The following FAM13B variants were observed in gnomAD, a reference collection of about 807,000 sequenced individuals.
The protein encoded by FAM13B is family with sequence similarity 13 member B.
A neutral mutation model predicts 117.3 loss-of-function variants in FAM13B; 60 were observed. That is an observed-to-expected ratio of 0.51 (90% CI 0.42 to 0.63). FAM13B has a LOEUF of 0.63. Ranked by LOEUF, FAM13B falls within the 30% of genes least tolerant of loss-of-function variation. FAM13B has a pLI of 0.00. For missense variants in FAM13B, 972 were observed against 1,091.9 expected (o/e 0.89, Z 1.55); for synonymous variants, 332 against 356.1 (o/e 0.93, Z 0.76).
chr5:138,039,670 A>C (rs1307901042), intron 1 of FAM13B: 2 of 150,822 alleles, frequency 1.3e-5, no homozygotes, highest in African/African-American at 4.9e-5. Flanking sequence ...TCCTGGGCTC[A>C]AGAGATCCTC....
Position 137,940,227 on chromosome 5 carries a change from A to G in FAM13B, c.2812T>C (p.Ter938GlnextTer16). 5 of 1,614,038 alleles carry G rather than the reference A, an allele frequency of 3.1e-6. No individual in the cohort carries two copies. The highest frequency in any genetic ancestry group is 4.2e-6 in the Non-Finnish European group (5 of 1,179,972). The change falls in exon 24 of 24, where the codon TAA becomes CAA. Residue 938 changes from the stop codon to glutamine (Q), a stop_lost. Coordinates refer to ENST00000689681, the MANE Select transcript of FAM13B (RefSeq NM_001385994.1). Reference protein sequence around the residue: ...ISKQDSSKSI* With the variant: ...ISKQDSSKSIQ The stretch of plus-strand genomic sequence containing the variant: ...TATGAATTTTCAAGGAACGTATCTT[A>G]TATGGATTTTGAAGAATCTTGTTTG...
Position 137,962,388 on chromosome 5 carries a change from CA to C in FAM13B, c.1244+16del, listed in dbSNP as rs1316548098. 8 of 1,610,264 alleles carry C rather than the reference CA, an allele frequency of 5.0e-6. No homozygotes were observed. Among genetic ancestry groups the C allele is most frequent in the Non-Finnish European group, 6.8e-6 (8 of 1,178,320 alleles). On this transcript the variant is annotated intron_variant, in intron 11 of 23. Transcript: ENST00000689681. ...AATTCTCAAAATGATTAATTAGCAA[CA>C]AGAAAAAATGCTTACCTCTCAAGAC... is the stretch of plus-strand genomic sequence containing the variant.
At chr5:138,048,133 C>T (rs560716448) in intron 1 of FAM13B, among the ~76,000 whole-genome samples, 1 of 152,238 alleles carries the variant, frequency 6.6e-6, no homozygotes, top group South Asian at 2.1e-4. Flanking sequence ...TTTAGGTTTA[C>T]AGAAAAATAA....
intron 9 of FAM13B, among the ~76,000 whole-genome samples, 178 bp downstream of exon 9, chr5:137,987,282 TG>T (rs1479294528): frequency 6.6e-6 from 1 of 151,818 alleles, no homozygotes; most frequent in African/African-American, 2.4e-5. Flanking sequence ...ATGAAAAAAG[TG>T]ATGAGATATC....
At chr5:138,050,814 A>C (rs1447346863) in intron 1 of FAM13B, among the ~76,000 whole-genome samples, 2 of 152,152 alleles carry the variant, frequency 1.3e-5, no homozygotes, top group Non-Finnish European at 2.9e-5. Flanking sequence ...TCTCTACCCA[A>C]CTATGATGTT....
upstream of FAM13B, chr5:138,036,262 G>A (rs1156532722): frequency 1.6e-5 from 6 of 367,524 alleles, no homozygotes; most frequent in South Asian, 8.0e-5. Flanking sequence ...GAAGCAAAGC[G>A]TCTGGACGAA....
chr5:137,960,589 T>C (rs1178297645), intron 11 of FAM13B, among the ~76,000 whole-genome samples: 3 of 152,186 alleles, frequency 2.0e-5, no homozygotes. Context: ...ACAGCTCTAT[T>C]CTCTCCATTC....
Position 138,011,872 on chromosome 5 carries a change from A to C in FAM13B, c.444T>G (p.Ser148Arg), listed in dbSNP as rs770959803. 2.4e-5 allele frequency: 39 copies of C among 1,603,364 alleles called. No individual in the cohort carries two copies. Among genetic ancestry groups the C allele is most frequent in the Non-Finnish European group, 3.1e-5 (37 of 1,177,080 alleles). ...AAAATCTACACAGAAACTTTAACAA[A>C]CTATAATTAACAGGTGGAAGCTGTT... Reference protein sequence around the residue: ...LLQQLPPVNYSLLKFLCRFLA... With the variant: ...LLQQLPPVNYRLLKFLCRFLA... Residue 148 changes from serine to arginine, a missense_variant, in exon 5 of 24, where the codon AGT (serine) becomes AGG (arginine). By Grantham distance (110) the Ser-to-Arg change is moderately radical. Coordinates refer to ENST00000689681, the MANE Select transcript of FAM13B (RefSeq NM_001385994.1).
intron 18 of FAM13B, 145 bp downstream of exon 18, chr5:137,948,810 A>AT (rs1357862956): frequency 1.6e-6 from 1 of 644,720 alleles, no homozygotes; most frequent in African/African-American, 1.8e-5. Flanking sequence ...TGTTATGCTG[A>AT]TTAAATCATG....
At chr5:137,973,947 A>T (rs1773110804) in intron 10 of FAM13B, among the ~76,000 whole-genome samples, 1 of 141,754 alleles carries the variant, frequency 7.1e-6, no homozygotes, top group African/African-American at 2.6e-5. Context: ...TTAAAAAGTC[A>T]GGAAACAACA....
intron 7 of FAM13B, among the ~76,000 whole-genome samples, chr5:137,993,504 T>C (rs1359586218): frequency 6.6e-6 from 1 of 151,810 alleles, no homozygotes; most frequent in Non-Finnish European, 1.5e-5. Flanking sequence ...GCAAAGAGGC[T>C]GAGCATGGTG....
intron 9 of FAM13B, among the ~76,000 whole-genome samples, chr5:137,985,768 T>C (rs1464553050): frequency 1.3e-5 from 2 of 152,216 alleles, no homozygotes; most frequent in African/African-American, 4.8e-5. Flanking sequence ...CCTTATCAAG[T>C]AAAACAGAAA....
Position 138,032,871 on chromosome 5 carries a change from T to G in FAM13B, c.-292A>C, listed in dbSNP as rs1325456243. ...AGAGGGCGAGAACTGAGGCCCCAAG[T>G]GGCTCCGCGGCCGAGAAGCCTCTTC... On this transcript the variant is annotated 5_prime_UTR_variant, in exon 1 of 24. Coordinates refer to ENST00000689681, the MANE Select transcript of FAM13B (RefSeq NM_001385994.1). The G allele has an allele frequency of 1.0e-6, 1 of 985,502 alleles. No individual in the cohort carries two copies. Among genetic ancestry groups the G allele is most frequent in the African/African-American group, 1.7e-5 (1 of 57,230 alleles). The allele number at this position is 985,502 out of a possible 1,614,324, so 61.0% of individuals were successfully genotyped here.
At chr5:137,961,693 A>G (rs761032450) in intron 11 of FAM13B, among the ~76,000 whole-genome samples, 5 of 152,228 alleles carry the variant, frequency 3.3e-5, no homozygotes, top group Admixed American at 2.6e-4. Flanking sequence ...GGATCTCTCA[A>G]TATTTACAAT....
intron 10 of FAM13B, among the ~76,000 whole-genome samples, chr5:137,970,295 GGGCCA>G (rs1033040126): frequency 2.6e-5 from 4 of 151,844 alleles, no homozygotes; most frequent in African/African-American, 9.7e-5. Context: ...AAGAGAGTGG[GGGCCA>G]ATATTCAACA....
intron 1 of FAM13B, among the ~76,000 whole-genome samples, chr5:138,022,741 A>C (rs1787101202): frequency 6.6e-6 from 1 of 152,186 alleles, no homozygotes; most frequent in Non-Finnish European, 1.5e-5. Context: ...AACTCACTAC[A>C]AAAGTCTGTC....
At chr5:137,975,031 A>T (rs1257793311) in intron 10 of FAM13B, among the ~76,000 whole-genome samples, 1 of 152,234 alleles carries the variant, frequency 6.6e-6, no homozygotes, top group Non-Finnish European at 1.5e-5. Context: ...ATGCTACAAT[A>T]GCAGAGTTAA....
chr5:138,014,216 C>T (rs1216395047), intron 4 of FAM13B, among the ~76,000 whole-genome samples: 12 of 152,216 alleles, frequency 7.9e-5, no homozygotes, highest in Non-Finnish European at 7.3e-5. Flanking sequence ...GGATTACAGG[C>T]GTGAGTCCCC....
At chr5:138,050,361 C>T (rs113264209) in intron 1 of FAM13B, among the ~76,000 whole-genome samples, 5,766 of 152,140 alleles carry the variant, frequency 0.038, 132 homozygotes, top group Middle Eastern at 0.058. Flanking sequence ...CCCTTGAACC[C>T]GGGAGGCGGA....
Sources: allele counts gnomAD v4.1 joint callset (sites outside exome capture counted in the v4.1 genomes callset), GRCh38; gene constraint gnomAD v4.1.1; transcripts MANE v1.5; gene names NCBI Gene and HGNC (gene_info 2026-07-23, HGNC 2026-07-21).